Variants in ERC1 observed in about 807,000 individuals in gnomAD.
ERC1 encodes RAB6 interacting protein 2.
ERC1 carries 56 observed loss-of-function variants against 132.0 expected under a neutral mutation model. The observed-to-expected ratio is 0.42, with a 90% CI of 0.34 to 0.53. The LOEUF is 0.53. ERC1 is among the 20% of genes least tolerant of loss of function. The pLI is 0.03. For missense variants in ERC1, 1,202 were observed against 1,349.9 expected, an observed-to-expected ratio of 0.89 and a Z score of 1.72; for synonymous variants, 478 against 476.1, an observed-to-expected ratio of 1.00 and a Z score of -0.05.
At chr12:1,338,168 C>T (rs2083470686) in intron 15 of ERC1, among the ~76,000 whole-genome samples, 1 of 152,140 alleles carries the variant, frequency 6.6e-6, no homozygotes, top group South Asian at 2.1e-4. Context: ...TTCAGGGATA[C>T]CAGTCATTCA....
chr12:1,262,115 T>C (rs2077181265), intron 13 of ERC1, among the ~76,000 whole-genome samples: 1 of 152,166 alleles, frequency 6.6e-6, no homozygotes, highest in South Asian at 2.1e-4. Context: ...AATTGGAGAA[T>C]GGTTTAGCAA....
chr12:1,218,213 T>G (rs1958602804), intron 12 of ERC1, among the ~76,000 whole-genome samples: 1 of 152,220 alleles, frequency 6.6e-6, no homozygotes, highest in Admixed American at 6.5e-5. Flanking sequence ...CATCTATACC[T>G]GGAGCCTTTG....
intron 14 of ERC1, among the ~76,000 whole-genome samples, chr12:1,269,808 A>G (rs887894895): frequency 2.6e-5 from 4 of 152,140 alleles, no homozygotes; most frequent in African/African-American, 9.7e-5. Context: ...AGGTGTGCAG[A>G]TTCTCCTTTT....
intron 15 of ERC1, among the ~76,000 whole-genome samples, chr12:1,369,705 A>G (rs2086998818): frequency 6.6e-6 from 1 of 152,162 alleles, no homozygotes; most frequent in African/African-American, 2.4e-5. Flanking sequence ...TCAAGTGGTC[A>G]GTGGATATAT....
At chr12:1,196,951 CACACACACACATATATAT>C (rs1566214723) in intron 12 of ERC1, among the ~76,000 whole-genome samples, 1 of 35,538 alleles carries the variant, frequency 2.8e-5, no homozygotes, top group Non-Finnish European at 5.1e-5. Flanking sequence ...CACACACACA[CACACACACACATATATAT>C]ATATATATTT....
chr12:1,484,525 T>C (rs60706503), intron 18 of ERC1, among the ~76,000 whole-genome samples: 16,080 of 152,056 alleles, frequency 0.11, 1,065 homozygotes, highest in Non-Finnish European at 0.15. Context: ...TCCCATGCCC[T>C]AGCCAACTCT....
chr12:1,266,444 G>A (rs1230999190), intron 14 of ERC1, among the ~76,000 whole-genome samples: 5 of 116,818 alleles, frequency 4.3e-5, no homozygotes, highest in African/African-American at 1.7e-4. Flanking sequence ...TTGCTCTGTC[G>A]CCCGGGCTGG....
At chr12:1,449,678 C>T (rs181332337) in intron 18 of ERC1, among the ~76,000 whole-genome samples, 73 of 152,192 alleles carry the variant, frequency 4.8e-4, no homozygotes, top group Non-Finnish European at 4.4e-5. Context: ...GGCTGACACA[C>T]TATGTCTTTC....
At chr12:1,176,418 T>C (rs1184482219) in intron 8 of ERC1, among the ~76,000 whole-genome samples, 1 of 152,188 alleles carries the variant, frequency 6.6e-6, no homozygotes, top group Non-Finnish European at 1.5e-5. Context: ...GTTCCATTTA[T>C]AAAGCATAGG....
At chr12:1,453,051 C>T (rs2093459297) in intron 18 of ERC1, among the ~76,000 whole-genome samples, 1 of 152,182 alleles carries the variant, frequency 6.6e-6, no homozygotes, top group Non-Finnish European at 1.5e-5. Context: ...GGGCCTCTCT[C>T]CATGCTCTTG....
At chr12:1,225,353 G>A (rs2074475906) in intron 12 of ERC1, among the ~76,000 whole-genome samples, 1 of 151,982 alleles carries the variant, frequency 6.6e-6, no homozygotes. Context: ...GGGAGGCTGA[G>A]GCAGGAGGAT....
In ERC1 at chr12:1,440,273, C is replaced by T. The variant is rs182399128; in HGVS notation, c.3025-4289C>T. Among the ~76,000 whole-genome samples the T allele has an allele frequency of 1.9e-3, 276 of 142,078 alleles. 3 individuals are homozygous for T. The highest frequency in any genetic ancestry group is 6.5e-3 in the African/African-American group (240 of 36,676). The allele number at this position is 142,078 out of a possible 152,430, so 93.2% of individuals were successfully genotyped here. On this transcript the variant is annotated intron_variant, in intron 17 of 18. Transcript: ENST00000360905. ...AGGCTGGAGTGCAGTGGTGCCATCT[C>T]GGCTCACTGCAAGCTCCGCCTCCTG...
chr12:1,320,948 G>T (rs1292600224), intron 15 of ERC1, among the ~76,000 whole-genome samples: 2 of 152,220 alleles, frequency 1.3e-5, no homozygotes, highest in Non-Finnish European at 2.9e-5. Flanking sequence ...TGATCCGCCT[G>T]CCTCAGCTTC....
rs536216088 is a variant in ERC1, at chr12:1,472,138, G to A, written c.3214-17955G>A. On this transcript the variant is annotated intron_variant, in intron 18 of 18. Transcript: ENST00000360905. ...TGGGTATTTGCCTGAGCTGCAGGTCGGGGATAGGGGACAGGGTAGAAAACT... is the reference window on the plus strand; with the variant it reads ...TGGGTATTTGCCTGAGCTGCAGGTCAGGGATAGGGGACAGGGTAGAAAACT... 7.9e-5 allele frequency among the ~76,000 whole-genome samples: 12 copies of A among 152,284 alleles called. No individual in the cohort carries two copies. In the South Asian group the frequency reaches 2.1e-3, roughly 26 times the overall value.
At chr12:1,094,441 CG>C (rs1358103304) in intron 3 of ERC1, among the ~76,000 whole-genome samples, 1 of 126,522 alleles carries the variant, frequency 7.9e-6, no homozygotes, top group Non-Finnish European at 1.7e-5. Flanking sequence ...AACAGAGTCT[CG>C]CTCTATCGCC....
chr12:1,118,166 C>T, intron 7 of ERC1, among the ~76,000 whole-genome samples: 1 of 152,258 alleles, frequency 6.6e-6, no homozygotes, highest in Non-Finnish European at 1.5e-5. Context: ...GCAAAAGGGT[C>T]AGAAGAGGGT....
chr12:1,444,116 G>A (rs1565452620), intron 17 of ERC1: 2 of 152,744 alleles, frequency 1.3e-5, no homozygotes, highest in African/African-American at 2.4e-5. Flanking sequence ...TCTAGGAGGT[G>A]GAGGAACACT....
chr12:1,385,205 C>T (rs2089178090), intron 16 of ERC1, among the ~76,000 whole-genome samples: 1 of 152,192 alleles, frequency 6.6e-6, no homozygotes, highest in African/African-American at 2.4e-5. Flanking sequence ...TTCTTAATTT[C>T]AATTTCTGCT....
chr12:1,074,292 A>G (rs930094781), intron 2 of ERC1, among the ~76,000 whole-genome samples: 1 of 151,648 alleles, frequency 6.6e-6, no homozygotes, highest in Non-Finnish European at 1.5e-5. Flanking sequence ...CCATTTTGAT[A>G]GTGTTTTCAT....
Sources: allele counts gnomAD v4.1 joint callset (sites outside exome capture counted in the v4.1 genomes callset), GRCh38; gene constraint gnomAD v4.1.1; transcripts MANE v1.5; gene names NCBI Gene and HGNC (gene_info 2026-07-23, HGNC 2026-07-21).